Variants in CAMTA1 observed in about 807,000 individuals in gnomAD.
CAMTA1 encodes calmodulin binding transcription activator 1, also known as calmodulin-binding transcription activator 1.
In CAMTA1, 27 loss-of-function variants were observed where a neutral mutation model predicts 170.9. The ratio of observed to expected loss-of-function variants is 0.16; its 90% CI spans 0.12 to 0.22. CAMTA1 has a LOEUF of 0.22. CAMTA1 is among the 10% of genes least tolerant of loss of function. CAMTA1 has a pLI of 1.00. For synonymous variants in CAMTA1, 833 were observed against 891.5 expected, an observed-to-expected ratio of 0.93 and a Z score of 1.17; for missense variants, 1,619 against 2,217.2, an observed-to-expected ratio of 0.73 and a Z score of 5.42.
rs1418348721 is a variant in CAMTA1, at chr1:7,195,547, A to C, written c.303-53944A>C. On this transcript the variant is annotated intron_variant, in intron 4 of 22. Coordinates refer to ENST00000303635, the MANE Select transcript of CAMTA1 (RefSeq NM_015215.4). The surrounding 1 kb of genome is among the most constrained non-coding windows in gnomAD (Gnocchi z 4.1). ...CCTGTCCTGACTGATGCAGGTGGAT[A>C]CCAGCAGGCAACAGTGGTTGGCACT... is the stretch of plus-strand genomic sequence containing the variant. Among the ~76,000 whole-genome samples, 1 of 152,092 alleles carries C rather than the reference A, an allele frequency of 6.6e-6. No homozygotes were observed. Among genetic ancestry groups the C allele is most frequent in the African/African-American group, 2.4e-5 (1 of 41,432 alleles).
At chr1:7,575,725 T>G (rs1393403212) in intron 6 of CAMTA1, among the ~76,000 whole-genome samples, 1 of 151,208 alleles carries the variant, frequency 6.6e-6, no homozygotes, top group Non-Finnish European at 1.5e-5. Context: ...CTGGCCCAGG[T>G]GTAGGCAGGG....
Position 7,521,579 on chromosome 1 carries a change from G to C in CAMTA1, c.510+53678G>C, listed in dbSNP as rs547508321. On this transcript the variant is annotated intron_variant, in intron 6 of 22. Coordinates refer to ENST00000303635, the MANE Select transcript of CAMTA1 (RefSeq NM_015215.4). ...TTTTTTTCAGATGGAGGCTTGCTCT[G>C]TAGCCCAGGCTGGAGTGCAGTGGCA... Among the ~76,000 whole-genome samples, 74 of 151,398 alleles carry C rather than the reference G, an allele frequency of 4.9e-4. 2 individuals carry two copies. The highest frequency in any genetic ancestry group is 2.9e-3 in the Admixed American group (44 of 15,216).
chr1:7,008,062 G>C (rs1228304920), intron 3 of CAMTA1, among the ~76,000 whole-genome samples: 1 of 152,210 alleles, frequency 6.6e-6, no homozygotes, highest in Non-Finnish European at 1.5e-5. Context: ...TGGGAAACAG[G>C]TTTCAAGTGC....
Position 7,663,885 on chromosome 1 carries a change from C to T in CAMTA1, c.1338C>T (p.Thr446=). Residue 446 remains threonine (T), a synonymous_variant, in exon 9 of 23, where the codon ACC becomes ACT. Transcript: ENST00000303635. ...SSDGHKFAFP[T]TGSSESLSML... ...ATGGCCACAAGTTCGCCTTTCCCACCACGGGCAGCTCGGAGAGCCTGTCCA... is the reference window on the plus strand; with the variant it reads ...ATGGCCACAAGTTCGCCTTTCCCACTACGGGCAGCTCGGAGAGCCTGTCCA... The T allele has an allele frequency of 6.2e-7, 1 of 1,614,010 alleles. No individual in the cohort carries two copies.
chr1:7,764,612 A>G (rs756732624), intron 22 of CAMTA1, among the ~76,000 whole-genome samples: 5 of 152,170 alleles, frequency 3.3e-5, no homozygotes, highest in Non-Finnish European at 7.4e-5. Context: ...CAATATAGCA[A>G]TAACTGATTA....
intron 11 of CAMTA1, among the ~76,000 whole-genome samples, chr1:7,712,486 A>G (rs2096578282): frequency 1.3e-5 from 2 of 151,972 alleles, no homozygotes. Context: ...GTGCCTGGCT[A>G]GTTTTTGGAT....
Position 7,534,018 on chromosome 1 carries a change from A to T in CAMTA1, c.510+66117A>T, listed in dbSNP as rs2094521429. Among the ~76,000 whole-genome samples, 1 of 151,986 alleles carries T rather than the reference A, an allele frequency of 6.6e-6. No homozygotes were observed. Among genetic ancestry groups the T allele is most frequent in the Non-Finnish European group, 1.5e-5 (1 of 67,988 alleles). ...CGCATGGTCAAGCCTCATCTACTGT[A>T]CCTGGAGCCTTCTCCTGACCCTGAA... On this transcript the variant is annotated intron_variant, in intron 6 of 22. Transcript: ENST00000303635. The surrounding 1 kb of genome is among the most constrained non-coding windows in gnomAD (Gnocchi z 5.6).
At chr1:7,640,191 G>T (rs541992237) in intron 6 of CAMTA1, among the ~76,000 whole-genome samples, 19 of 152,276 alleles carry the variant, frequency 1.2e-4, no homozygotes, top group African/African-American at 4.3e-4. Context: ...ACATCTAGTG[G>T]GTAGAGGCCA....
At chr1:7,155,334 G>A (rs1053776444) in intron 4 of CAMTA1, among the ~76,000 whole-genome samples, 1 of 151,670 alleles carries the variant, frequency 6.6e-6, no homozygotes, top group Non-Finnish European at 1.5e-5. Flanking sequence ...TTGCTGTCTC[G>A]GAGGGAGCCT....
In CAMTA1 at chr1:7,426,260, G is replaced by A. The variant is rs540782723; in HGVS notation, c.439-41570G>A. On this transcript the variant is annotated intron_variant, in intron 5 of 22. Transcript: ENST00000303635. This position sits in a 1 kb window ranked among gnomAD's most constrained non-coding sequence, Gnocchi z 4.8. ...AGGGCCAGAGAGAGCTGCACGGTCC[G>A]AAGCTCAGAGCATCCTCACTAGCAT... Among the ~76,000 whole-genome samples the A allele has an allele frequency of 3.9e-5, 6 of 152,224 alleles. No individual in the cohort carries two copies. Among genetic ancestry groups the A allele is most frequent in the East Asian group, 3.9e-4 (2 of 5,162 alleles).
intron 10 of CAMTA1, among the ~76,000 whole-genome samples, chr1:7,672,545 C>G (rs1443801770): frequency 6.6e-6 from 1 of 152,162 alleles, no homozygotes; most frequent in East Asian, 1.9e-4. Flanking sequence ...CCTCAGCCTC[C>G]CTGGTACCTG....
At chr1:7,018,539 A>T (rs1005342684) in intron 3 of CAMTA1, among the ~76,000 whole-genome samples, 1 of 152,012 alleles carries the variant, frequency 6.6e-6, no homozygotes, top group African/African-American at 2.4e-5. Context: ...CATCCTTCCA[A>T]ATCCTCTCTC....
At chr1:7,638,080 G>A (rs574327657) in intron 6 of CAMTA1, among the ~76,000 whole-genome samples, 5 of 152,168 alleles carry the variant, frequency 3.3e-5, no homozygotes, top group Non-Finnish European at 5.9e-5. Flanking sequence ...ATTTATTCAT[G>A]GATTGATTGA....
intron 3 of CAMTA1, among the ~76,000 whole-genome samples, chr1:6,967,399 A>G (rs1335102541): frequency 1.3e-5 from 2 of 152,112 alleles, no homozygotes; most frequent in African/African-American, 4.8e-5. Flanking sequence ...TGGAAAACAT[A>G]GAGCCCATGC....
At chr1:6,947,265 C>T (rs72638561) in intron 3 of CAMTA1, among the ~76,000 whole-genome samples, 4,182 of 152,174 alleles carry the variant, frequency 0.027, 55 homozygotes, top group Non-Finnish European at 0.033. Flanking sequence ...AACTTCTTTT[C>T]GCTTTTTCAA....
Position 7,243,182 on chromosome 1 carries a change from A to T in CAMTA1, c.303-6309A>T, listed in dbSNP as rs560274941. ...TTAATAGCTGGTAACGCTAGCCCCTATGCCTTGGTCTTCTTTTGGGAGGTT... is the reference window on the plus strand; with the variant it reads ...TTAATAGCTGGTAACGCTAGCCCCTTTGCCTTGGTCTTCTTTTGGGAGGTT... On this transcript the variant is annotated intron_variant, in intron 4 of 22. Transcript: ENST00000303635. Among the ~76,000 whole-genome samples the T allele has an allele frequency of 1.1e-4, 16 of 152,246 alleles. No individual in the cohort carries two copies. In the South Asian group the frequency reaches 3.3e-3, roughly 32 times the overall value.
chr1:7,555,063 T>G (rs1372711265), intron 6 of CAMTA1, among the ~76,000 whole-genome samples: 1 of 152,198 alleles, frequency 6.6e-6, no homozygotes, highest in South Asian at 2.1e-4. Context: ...TATCCCCAAG[T>G]GCCTTTCAGC....
intron 11 of CAMTA1, among the ~76,000 whole-genome samples, chr1:7,711,468 AC>A (rs1457006414): frequency 2.6e-5 from 4 of 152,200 alleles, no homozygotes; most frequent in Non-Finnish European, 5.9e-5. Context: ...TGGTCTTCAC[AC>A]TTGATTGTCA....
rs1465012532 is a variant in CAMTA1, at chr1:7,562,423, T to G, written c.511-77977T>G. Among the ~76,000 whole-genome samples, 2 of 152,142 alleles carry G rather than the reference T, an allele frequency of 1.3e-5. No individual in the cohort carries two copies. The highest frequency in any genetic ancestry group is 2.9e-5 in the Non-Finnish European group (2 of 68,028). On this transcript the variant is annotated intron_variant, in intron 6 of 22. Transcript: ENST00000303635. This position sits in a 1 kb window ranked among gnomAD's most constrained non-coding sequence, Gnocchi z 4.8. Reference sequence around the variant, plus strand: ...GCGGCAGCTCAGCTAATTTAAGCTTTGTTTGCTGCGATGCTGGAACTTCTG... The same window carrying G: ...GCGGCAGCTCAGCTAATTTAAGCTTGGTTTGCTGCGATGCTGGAACTTCTG...
Sources: allele counts gnomAD v4.1 joint callset (sites outside exome capture counted in the v4.1 genomes callset), GRCh38; gene constraint gnomAD v4.1.1; non-coding constraint Gnocchi (gnomAD v3.1); transcripts MANE v1.5; gene names NCBI Gene and HGNC (gene_info 2026-07-23, HGNC 2026-07-21).